Variants in ST3GAL1 observed in about 807,000 individuals in gnomAD.
The protein encoded by ST3GAL1 is ST3 beta-galactoside alpha-2,3-sialyltransferase 1.
In ST3GAL1, 16 loss-of-function variants were observed where a neutral mutation model predicts 34.1. The ratio of observed to expected loss-of-function variants is 0.47; its 90% CI spans 0.32 to 0.71. The LOEUF is 0.71. Ranked by LOEUF, ST3GAL1 falls within the 30% of genes least tolerant of loss-of-function variation. The pLI, the probability that ST3GAL1 is intolerant of heterozygous loss-of-function variation, is 0.04. For synonymous variants in ST3GAL1, 191 were observed against 184.7 expected, an observed-to-expected ratio of 1.03 and a Z score of -0.28; for missense variants, 353 against 447.4, an observed-to-expected ratio of 0.79 and a Z score of 1.90.
chr8:133,483,232 C>G, intron 3 of ST3GAL1, among the ~76,000 whole-genome samples: 1 of 152,146 alleles, frequency 6.6e-6, no homozygotes, highest in Middle Eastern at 3.2e-3. Flanking sequence ...ATCCCAGCTA[C>G]TTAGGAGGCT....
chr8:133,470,865 G>T (rs1360204291), intron 5 of ST3GAL1, among the ~76,000 whole-genome samples: 2 of 152,130 alleles, frequency 1.3e-5, no homozygotes, highest in Admixed American at 1.3e-4. Context: ...ACCTCACCCT[G>T]CACTCGGGCA....
At chr8:133,488,264 G>A (rs931088018) in intron 3 of ST3GAL1, 10 of 152,208 alleles carry the variant, frequency 6.6e-5, no homozygotes, top group African/African-American at 1.9e-4. Flanking sequence ...TAATGAGCCA[G>A]CTTGGCTAGG....
At position 133,541,120 on chromosome 8, in the gene ST3GAL1, T is replaced by TATATATATATAGAG. The variant is rs71299078; in HGVS notation, c.-429+4653_-429+4654insCTCTATATATATAT. Among the ~76,000 whole-genome samples, 2 of 48,644 alleles carry TATATATATATAGAG rather than the reference T, an allele frequency of 4.1e-5. 1 individual carries two copies. Among genetic ancestry groups the TATATATATATAGAG allele is most frequent in the African/African-American group, 2.0e-4 (2 of 10,138 alleles). 31.9% of individuals were successfully genotyped at this position (48,644 alleles called of 152,430 possible). ...ACATATATATATATATATATATATA[T>TATATATATATAGAG]AGAGAGAGAGAGAGAGAGAGAGAGA... On this transcript the variant is annotated intron_variant, in intron 2 of 9. Transcript: ENST00000522652.
rs771642198 is a variant in ST3GAL1, at chr8:133,461,584, C to T, written c.849+291G>A. On this transcript the variant is annotated intron_variant, in intron 9 of 9. Coordinates refer to ENST00000522652, the MANE Select transcript of ST3GAL1 (RefSeq NM_173344.3). This position sits in a 1 kb window ranked among gnomAD's most constrained non-coding sequence, Gnocchi z 4.7. ...TTAGACAACTCTCGCTATGAGAATC[C>T]GCTTCTGTATCCGGAATCTGCTGCG... 6.6e-6 allele frequency among the ~76,000 whole-genome samples: 1 copy of T among 152,166 alleles called. No homozygotes were observed. Among genetic ancestry groups the T allele is most frequent in the East Asian group, 1.9e-4 (1 of 5,198 alleles).
intron 3 of ST3GAL1, among the ~76,000 whole-genome samples, chr8:133,490,663 C>T (rs569834936): frequency 5.9e-4 from 90 of 152,314 alleles, no homozygotes; most frequent in African/African-American, 2.1e-3. Context: ...GATGGAGACG[C>T]TGGTATGTTA....
At chr8:133,492,237 G>A (rs1415343790) in intron 3 of ST3GAL1, among the ~76,000 whole-genome samples, 1 of 152,146 alleles carries the variant, frequency 6.6e-6, no homozygotes, top group East Asian at 1.9e-4. Context: ...TGGAGAGACT[G>A]AGATACTAGT....
chr8:133,466,229 G>GTGTCTGTGTGTGAGC lies in ST3GAL1; in HGVS notation c.307-140_307-139insGCTCACACACAGACA. Reference sequence around the variant, plus strand: ...CTCTGCTGGGCCCCCGGAGATGGAGGCGGCTCACACACAGACACCTCCACT... The same window carrying GTGTCTGTGTGTGAGC: ...CTCTGCTGGGCCCCCGGAGATGGAGGTGTCTGTGTGTGAGCCGGCTCACACACAGACACCTCCACT... On this transcript the variant is annotated intron_variant, in intron 5 of 9. Coordinates refer to ENST00000522652, the MANE Select transcript of ST3GAL1 (RefSeq NM_173344.3). The surrounding 1 kb of genome is among the most constrained non-coding windows in gnomAD (Gnocchi z 4.4). The GTGTCTGTGTGTGAGC allele has an allele frequency of 7.5e-6, 6 of 803,240 alleles. No individual in the cohort carries two copies. Among genetic ancestry groups the GTGTCTGTGTGTGAGC allele is most frequent in the Non-Finnish European group, 9.7e-6 (5 of 516,500 alleles). 49.8% of individuals were successfully genotyped at this position (803,240 alleles called of 1,614,324 possible). A position where few individuals can be genotyped will look rare whatever the true frequency, so the allele number is the denominator to read the frequency against.
intron 5 of ST3GAL1, among the ~76,000 whole-genome samples, chr8:133,470,749 G>T (rs1268048100): frequency 6.6e-6 from 1 of 152,158 alleles, no homozygotes; most frequent in South Asian, 2.1e-4. Flanking sequence ...CAGGCTGGGG[G>T]CGAGGCGAGT....
intron 2 of ST3GAL1, among the ~76,000 whole-genome samples, chr8:133,499,796 G>A (rs1295804033): frequency 6.6e-6 from 1 of 152,178 alleles, no homozygotes; most frequent in Non-Finnish European, 1.5e-5. Context: ...GGGAGCAAGG[G>A]CAGAATGGGG....
rs189764469 is a variant in ST3GAL1 at position 133,537,757 on chromosome 8, C to T, written c.-429+8017G>A. On this transcript the variant is annotated intron_variant, in intron 2 of 9. Transcript: ENST00000522652. ...CAAGGCCCTGCATGAATGAAGGTCA[C>T]GAGGCTGGCAAGCAGCAGAGGCATC... Among the ~76,000 whole-genome samples, 139 of 152,252 alleles carry T rather than the reference C, an allele frequency of 9.1e-4. 1 individual carries two copies. The highest frequency in any genetic ancestry group is 2.9e-3 in the African/African-American group (121 of 41,534).
At chr8:133,505,181 A>G (rs1196947167) in intron 2 of ST3GAL1, among the ~76,000 whole-genome samples, 1 of 152,142 alleles carries the variant, frequency 6.6e-6, no homozygotes, top group East Asian at 1.9e-4. Context: ...AGAAGCACTG[A>G]CAGCCTTCTT....
At chr8:133,512,302 A>G (rs1268285356) in intron 2 of ST3GAL1, among the ~76,000 whole-genome samples, 1 of 152,178 alleles carries the variant, frequency 6.6e-6, no homozygotes, top group African/African-American at 2.4e-5. Context: ...CCGATGTTCG[A>G]GGGCAGGAAG....
At chr8:133,510,863 C>T (rs1300035818) in intron 2 of ST3GAL1, among the ~76,000 whole-genome samples, 1 of 152,210 alleles carries the variant, frequency 6.6e-6, no homozygotes, top group African/African-American at 2.4e-5. Context: ...AGACTCGGAG[C>T]AAACTCCATC....
At chr8:133,483,407 A>C (rs1459217860) in intron 3 of ST3GAL1, among the ~76,000 whole-genome samples, 1 of 152,182 alleles carries the variant, frequency 6.6e-6, no homozygotes. Flanking sequence ...CTTGCACAAA[A>C]GTGAACAGCT....
chr8:133,542,543 G>A (rs1048059117), intron 2 of ST3GAL1, among the ~76,000 whole-genome samples: 30 of 152,194 alleles, frequency 2.0e-4, no homozygotes, highest in African/African-American at 7.0e-4. Context: ...GGGAGGCCAA[G>A]GCAGGCAGAT....
In ST3GAL1 at chr8:133,481,487, CATT is replaced by C. The variant is rs924487668; in HGVS notation, c.-373-4890_-373-4888del. Among the ~76,000 whole-genome samples, 462 of 151,884 alleles carry C rather than the reference CATT, an allele frequency of 3.0e-3. 2 individuals carry two copies. Among genetic ancestry groups the C allele is most frequent in the African/African-American group, 0.011 (447 of 41,418 alleles). On this transcript the variant is annotated intron_variant, in intron 3 of 9. Transcript: ENST00000522652. ...TTTGTTTGGGTTTTTTTGTTGTTGT[CATT>C]GTTGTTGTTGTGTTTTTGGTTTTGA...
chr8:133,569,220 G>A (rs1031784754), intron 1 of ST3GAL1, among the ~76,000 whole-genome samples: 1 of 152,190 alleles, frequency 6.6e-6, no homozygotes, highest in African/African-American at 2.4e-5. Context: ...AGCAAATGCC[G>A]GCCCAGAAAA....
chr8:133,539,410 T>C (rs1018615166), intron 2 of ST3GAL1, among the ~76,000 whole-genome samples: 5 of 152,154 alleles, frequency 3.3e-5, no homozygotes, highest in African/African-American at 1.2e-4. Context: ...CCAGAGCACG[T>C]CCAGGAAGCT....
chr8:133,563,917 C>T (rs1378238919), intron 1 of ST3GAL1, among the ~76,000 whole-genome samples: 1 of 152,132 alleles, frequency 6.6e-6, no homozygotes, highest in African/African-American at 2.4e-5. Flanking sequence ...AAGGGAGTCT[C>T]CCCAGTAAGT....
Sources: gnomAD v4.1 joint callset for allele counts (sites outside exome capture counted in the v4.1 genomes callset) on GRCh38, gnomAD v4.1.1 for gene constraint, Gnocchi (gnomAD v3.1) non-coding constraint, MANE v1.5 for transcripts, NCBI Gene and HGNC (gene_info 2026-07-23, HGNC 2026-07-21) for gene names.